Variants in MAP4K3 observed in about 807,000 individuals in gnomAD.
MAP4K3 encodes mitogen-activated protein kinase kinase kinase kinase 3, also known as MAPK/ERK kinase kinase kinase 3.
Under a neutral mutation model 143.5 loss-of-function variants are expected in MAP4K3, and 94 were observed. The ratio of observed to expected loss-of-function variants is 0.65; its 90% CI spans 0.55 to 0.78. The LOEUF is 0.78. Among genes scored for constraint, MAP4K3 ranks in the 30% least tolerant of loss-of-function variants. The probability of loss-of-function intolerance (pLI) is 0.00; values close to 1 mark genes in which losing one functional copy is unlikely to be tolerated. For synonymous variants in MAP4K3, 416 were observed against 347.2 expected (o/e 1.20, Z -2.20); for missense variants, 1,077 against 1,068.1 (o/e 1.01, Z -0.12).
chr2:39,327,157 C>G lies in MAP4K3; in HGVS notation c.531-880G>C, dbSNP rs17023678. ...TATTCGTAATAAGCAACCTATAGCT[C>G]TACTTCCTGTTATCAAAAAACTGCG... On this transcript the variant is annotated intron_variant, in intron 8 of 33. Coordinates refer to ENST00000263881, the MANE Select transcript of MAP4K3 (RefSeq NM_003618.4). Among the ~76,000 whole-genome samples, 1,272 of 152,264 alleles carry G rather than the reference C, an allele frequency of 8.4e-3. 16 individuals carry two copies. The highest frequency in any genetic ancestry group is 0.029 in the African/African-American group (1,218 of 41,552).
chr2:39,272,655 A>G lies in MAP4K3; in HGVS notation c.1795-113T>C, dbSNP rs187128191. ...CTACAGGTCAGTTCTTTAAAAGTAA[A>G]TTATTTTTAACATAAATTAACTTTA... On this transcript the variant is annotated intron_variant, in intron 24 of 33. Coordinates refer to ENST00000263881, the MANE Select transcript of MAP4K3 (RefSeq NM_003618.4). 8.0e-4 allele frequency: 590 copies of G among 739,122 alleles called. 7 individuals are homozygous for G. In the African/African-American group the frequency reaches 8.7e-3, roughly 11 times the overall value. 45.8% of individuals were successfully genotyped at this position (739,122 alleles called of 1,614,324 possible). A position where few individuals can be genotyped will look rare whatever the true frequency, so the allele number is the denominator to read the frequency against.
At chr2:39,269,954 C>T (rs1205041201) in intron 26 of MAP4K3, among the ~76,000 whole-genome samples, 1 of 151,992 alleles carries the variant, frequency 6.6e-6, no homozygotes, top group Non-Finnish European at 1.5e-5. Flanking sequence ...ACAAAAACTC[C>T]CCACACTCTT....
rs150947300 is a variant in MAP4K3, at chr2:39,359,881, G to A, written c.155-3542C>T. 5.3e-3 allele frequency among the ~76,000 whole-genome samples: 814 copies of A among 152,338 alleles called. 9 individuals are homozygous for A. The highest frequency in any genetic ancestry group is 0.018 in the African/African-American group (759 of 41,576). On this transcript the variant is annotated intron_variant, in intron 2 of 33. Transcript: ENST00000263881. ...ACACAGCAGGGGGAGCCCTGGGCCT[G>A]GCCCACAGTACCATTTTTTCCTCCT...
chr2:39,387,942 T>C (rs1666553757), intron 1 of MAP4K3, among the ~76,000 whole-genome samples: 4 of 152,222 alleles, frequency 2.6e-5, no homozygotes, highest in Admixed American at 2.6e-4. Context: ...AAAATGCACT[T>C]AGCAGATAAT....
chr2:39,366,717 CTTAAG>C (rs1271277605), intron 2 of MAP4K3, among the ~76,000 whole-genome samples: 1 of 152,154 alleles, frequency 6.6e-6, no homozygotes, highest in African/African-American at 2.4e-5. Flanking sequence ...TCCAACTTCT[CTTAAG>C]TTGTCAATTA....
At chr2:39,326,651 G>A (rs1683498734) in intron 8 of MAP4K3, among the ~76,000 whole-genome samples, 1 of 152,090 alleles carries the variant, frequency 6.6e-6, no homozygotes, top group Admixed American at 6.5e-5. Flanking sequence ...GGGTGGGCAG[G>A]GGCAGAATGA....
At chr2:39,414,376 C>G (rs1195352610) in intron 1 of MAP4K3, among the ~76,000 whole-genome samples, 4 of 152,082 alleles carry the variant, frequency 2.6e-5, no homozygotes, top group Admixed American at 6.5e-5. Flanking sequence ...CAAACTATTG[C>G]GGGGGAATTA....
chr2:39,365,235 A>C (rs1349803058), intron 2 of MAP4K3, among the ~76,000 whole-genome samples: 2 of 151,978 alleles, frequency 1.3e-5, no homozygotes, highest in African/African-American at 4.8e-5. Context: ...TCTCTATTTA[A>C]ATGTTAATGT....
intron 12 of MAP4K3, among the ~76,000 whole-genome samples, chr2:39,319,384 A>T (rs1683226860): frequency 6.6e-6 from 1 of 152,132 alleles, no homozygotes; most frequent in Non-Finnish European, 1.5e-5. Flanking sequence ...GAACTGCAGA[A>T]GTCCACTTCT....
chr2:39,412,486 T>C (rs1667258367), intron 1 of MAP4K3, among the ~76,000 whole-genome samples: 1 of 152,056 alleles, frequency 6.6e-6, no homozygotes, highest in South Asian at 2.1e-4. Flanking sequence ...GATTGATTAG[T>C]CCTAGGCAGG....
At chr2:39,309,298 A>AT (rs903033463) in intron 14 of MAP4K3, among the ~76,000 whole-genome samples, 163 bp downstream of exon 14, 2 of 152,060 alleles carry the variant, frequency 1.3e-5, no homozygotes, top group Non-Finnish European at 2.9e-5. Flanking sequence ...AAGTTTTAAC[A>AT]TTTTTTTGTA....
chr2:39,261,458 C>T (rs746916948), intron 28 of MAP4K3, among the ~76,000 whole-genome samples: 19 of 151,998 alleles, frequency 1.3e-4, no homozygotes, highest in Non-Finnish European at 2.2e-4. Flanking sequence ...ACATACCCAC[C>T]GAATGGCTAA....
At chr2:39,251,981 G>C (rs3770678) in intron 32 of MAP4K3, 96 bp from the exon 33 acceptor site, 701,907 of 779,404 alleles carry the variant, frequency 0.9, 316,940 homozygotes, top group Non-Finnish European at 0.92. Context: ...AAACATGATC[G>C]CTAAAAATGA....
At chr2:39,306,620 A>T (rs552574226) in intron 15 of MAP4K3, among the ~76,000 whole-genome samples, 27 of 152,182 alleles carry the variant, frequency 1.8e-4, no homozygotes, top group African/African-American at 6.5e-4. Context: ...TGATAATTTA[A>T]ATCTACTTTT....
chr2:39,294,219 C>T (rs1682176905), intron 16 of MAP4K3: 1 of 152,156 alleles, frequency 6.6e-6, no homozygotes, highest in Non-Finnish European at 1.5e-5. Flanking sequence ...TCAGGAAAAA[C>T]TGCCCTTAAA....
chr2:39,299,426 T>C (rs1230155530), intron 16 of MAP4K3, among the ~76,000 whole-genome samples: 1 of 152,186 alleles, frequency 6.6e-6, no homozygotes, highest in African/African-American at 2.4e-5. Context: ...AAAGCAAGTT[T>C]TATAAGAAAT....
intron 2 of MAP4K3, among the ~76,000 whole-genome samples, chr2:39,360,632 G>A (rs1444900317): frequency 6.6e-6 from 1 of 152,176 alleles, no homozygotes; most frequent in Non-Finnish European, 1.5e-5. Flanking sequence ...AAGGAAAAGG[G>A]TTTAACTGAC....
At chr2:39,314,368 A>G (rs190717380) in intron 13 of MAP4K3, among the ~76,000 whole-genome samples, 1 of 152,338 alleles carries the variant, frequency 6.6e-6, no homozygotes, top group East Asian at 1.9e-4. Flanking sequence ...TGATAAAGAT[A>G]TTTCATAATT....
intron 19 of MAP4K3, among the ~76,000 whole-genome samples, chr2:39,289,783 T>G (rs1195032397): frequency 1.3e-5 from 2 of 152,148 alleles, no homozygotes; most frequent in African/African-American, 4.8e-5. Context: ...GACTTGTTAC[T>G]TAGAATGAAC....
Sources: gnomAD v4.1 joint callset for allele counts (sites outside exome capture counted in the v4.1 genomes callset) on GRCh38, gnomAD v4.1.1 for gene constraint, MANE v1.5 for transcripts, NCBI Gene and HGNC (gene_info 2026-07-23, HGNC 2026-07-21) for gene names.